The following HIVEP1 variants were observed in gnomAD, a reference collection of about 807,000 sequenced individuals.
HIVEP1 encodes the protein zinc finger protein 40.
In HIVEP1, 36 loss-of-function variants were observed where a neutral mutation model predicts 180.0. That is an observed-to-expected ratio of 0.20 (90% CI 0.15 to 0.26). The LOEUF is 0.26. Ranked by LOEUF, HIVEP1 falls within the 10% of genes least tolerant of loss-of-function variation. The pLI is 1.00. For synonymous variants in HIVEP1, 1,239 were observed against 1,239.0 expected, an observed-to-expected ratio of 1.00 and a Z score of 0.00; for missense variants, 3,143 against 3,268.7, an observed-to-expected ratio of 0.96 and a Z score of 0.94.
At chr6:12,177,743 A>G in the HIVEP1 span, among the ~76,000 whole-genome samples, 1 of 152,178 alleles carries the variant, frequency 6.6e-6, no homozygotes, top group South Asian at 2.1e-4. Context: ...AATAAGCTAG[A>G]TAAGTGATAG....
chr6:12,141,373 A>G (rs945981533), intron 7 of HIVEP1, among the ~76,000 whole-genome samples: 3 of 152,172 alleles, frequency 2.0e-5, no homozygotes, highest in Non-Finnish European at 4.4e-5. Flanking sequence ...TGAAGGAAGC[A>G]CTAAACATGG....
the HIVEP1 span, among the ~76,000 whole-genome samples, chr6:12,179,644 T>C: frequency 6.6e-6 from 1 of 152,206 alleles, no homozygotes; most frequent in African/African-American, 2.4e-5. Context: ...CTCCTGCTTT[T>C]ACCATTATGA....
chr6:12,080,764 A>G (rs1242493827), intron 2 of HIVEP1, among the ~76,000 whole-genome samples: 1 of 152,208 alleles, frequency 6.6e-6, no homozygotes, highest in Admixed American at 6.5e-5. Context: ...AAAGTGTAGC[A>G]AGATGAGGCA....
At chr6:12,172,729 G>C in the HIVEP1 span, among the ~76,000 whole-genome samples, 1 of 151,478 alleles carries the variant, frequency 6.6e-6, no homozygotes, top group East Asian at 1.9e-4. Context: ...TTGTGGTTGA[G>C]ATAATTGCTC....
chr6:12,034,537 C>T (rs573181295), intron 2 of HIVEP1, among the ~76,000 whole-genome samples: 1 of 152,298 alleles, frequency 6.6e-6, no homozygotes, highest in African/African-American at 2.4e-5. Context: ...AGAGTTAAGA[C>T]AAGCCCAAAA....
chr6:12,042,083 T>A (rs1769776490), intron 2 of HIVEP1, among the ~76,000 whole-genome samples: 1 of 149,234 alleles, frequency 6.7e-6, no homozygotes, highest in South Asian at 2.1e-4. Context: ...TTTTTTTTTT[T>A]TTTTTTTGAG....
chr6:12,145,197 AG>A (rs1172940503), intron 7 of HIVEP1, among the ~76,000 whole-genome samples: 1 of 152,250 alleles, frequency 6.6e-6, no homozygotes, highest in Admixed American at 6.5e-5. Flanking sequence ...GCCATAAAAA[AG>A]GATGAGTTCA....
the HIVEP1 span, among the ~76,000 whole-genome samples, chr6:12,211,405 A>G: frequency 8.5e-6 from 1 of 117,302 alleles, no homozygotes; most frequent in Non-Finnish European, 1.7e-5. Context: ...GTCTCAAAAA[A>G]AAAAAAAAAG....
At position 12,060,815 on chromosome 6, in the gene HIVEP1, G is replaced by A. The variant is rs117280484; in HGVS notation, c.41-28369G>A. On this transcript the variant is annotated intron_variant, in intron 2 of 8. Coordinates refer to ENST00000379388, the MANE Select transcript of HIVEP1 (RefSeq NM_002114.4). ...ATTAAACGGTTGGGAAGGTACTCTC[G>A]GATGCAGAATAAGAAGAATGCATTA... Among the ~76,000 whole-genome samples the A allele has an allele frequency of 1.5e-3, 227 of 152,242 alleles. 3 individuals carry two copies. The East Asian group carries it at 0.039, about 26-fold the overall frequency.
At chr6:12,115,377 T>TTTTTTAA (rs398000485) in intron 3 of HIVEP1, among the ~76,000 whole-genome samples, 1 of 125,652 alleles carries the variant, frequency 8.0e-6, no homozygotes, top group African/African-American at 2.9e-5. Context: ...TTTTTTTTTT[T>TTTTTTAA]AACAAAGTGG....
intron 2 of HIVEP1, among the ~76,000 whole-genome samples, chr6:12,022,213 C>T (rs575295415): frequency 1.3e-5 from 2 of 152,108 alleles, no homozygotes; most frequent in Non-Finnish European, 2.9e-5. Context: ...CTCTGTCACC[C>T]AGGCTGGAGT....
the HIVEP1 span, among the ~76,000 whole-genome samples, chr6:12,200,151 G>A: frequency 3.3e-5 from 5 of 152,148 alleles, no homozygotes; most frequent in African/African-American, 7.2e-5. Context: ...CAAATACAGG[G>A]CCAGGGGCAG....
intron 3 of HIVEP1, among the ~76,000 whole-genome samples, chr6:12,091,186 T>C (rs978781152): frequency 1.3e-5 from 2 of 152,160 alleles, no homozygotes; most frequent in African/African-American, 4.8e-5. Flanking sequence ...GATACCTATT[T>C]TATTTTAAAG....
intron 3 of HIVEP1, among the ~76,000 whole-genome samples, chr6:12,104,122 G>T (rs1774264645): frequency 6.6e-6 from 1 of 152,000 alleles, no homozygotes; most frequent in African/African-American, 2.4e-5. Context: ...GACTTTCATA[G>T]TTTCAAAGTG....
intron 3 of HIVEP1, among the ~76,000 whole-genome samples, chr6:12,106,073 TACAC>T (rs913345774): frequency 2.1e-4 from 32 of 151,752 alleles, no homozygotes; most frequent in South Asian, 6.2e-4. Flanking sequence ...TACATATATA[TACAC>T]ACACACATAT....
chr6:12,047,664 T>C (rs1472943074), intron 2 of HIVEP1, among the ~76,000 whole-genome samples: 1 of 152,206 alleles, frequency 6.6e-6, no homozygotes, highest in Non-Finnish European at 1.5e-5. Context: ...GTTTGGCCTT[T>C]CCCTCACTCT....
intron 7 of HIVEP1, among the ~76,000 whole-genome samples, chr6:12,141,668 A>C (rs564027384): frequency 2.5e-4 from 35 of 141,438 alleles, no homozygotes; most frequent in Admixed American, 7.9e-4. Context: ...GGATGGAAGA[A>C]GATCTACCAA....
chr6:12,122,698 A>T lies in HIVEP1; in HGVS notation c.2903A>T (p.Tyr968Phe). Residue 968 changes from tyrosine to phenylalanine, a missense_variant, in exon 4 of 9, where the codon TAT becomes TTT. Coordinates refer to ENST00000379388, the MANE Select transcript of HIVEP1 (RefSeq NM_002114.4). ...MFECETCRNR[Y>F]RKLENFENHK... The stretch of plus-strand genomic sequence containing the variant: ...GAGTGTGAAACTTGTAGAAACAGGT[A>T]TAGGAAACTGGAAAATTTTGAAAAT... 6.2e-7 allele frequency: 1 copy of T among 1,614,098 alleles called. No individual in the cohort carries two copies. Among genetic ancestry groups the T allele is most frequent in the Non-Finnish European group, 8.5e-7 (1 of 1,180,016 alleles).
In HIVEP1 at chr6:12,035,904, G is replaced by A. The variant is rs141860600; in HGVS notation, c.40+20236G>A. On this transcript the variant is annotated intron_variant, in intron 2 of 8. Coordinates refer to ENST00000379388, the MANE Select transcript of HIVEP1 (RefSeq NM_002114.4). The stretch of plus-strand genomic sequence containing the variant: ...TTATTTCAGAACTAGTATGAAAAAG[G>A]TAGCCTTTTCTAATACGTAAGAAAA... Among the ~76,000 whole-genome samples the A allele has an allele frequency of 2.7e-3, 413 of 152,258 alleles. 2 individuals are homozygous for A. The highest frequency in any genetic ancestry group is 5.2e-3 in the Non-Finnish European group (353 of 68,006).
Sources: gnomAD v4.1 joint callset for allele counts (sites outside exome capture counted in the v4.1 genomes callset) on GRCh38, gnomAD v4.1.1 for gene constraint, MANE v1.5 for transcripts, NCBI Gene and HGNC (gene_info 2026-07-23, HGNC 2026-07-21) for gene names.